Variants in USP7 observed in about 807,000 individuals in gnomAD.
USP7 encodes ubiquitin C-terminal hydrolase 7.
USP7 carries 9 observed loss-of-function variants against 162.9 expected under a neutral mutation model. That is an observed-to-expected ratio of 0.06 (90% CI 0.03 to 0.10). The LOEUF (loss-of-function observed/expected upper bound fraction) is 0.10, where lower values mean the gene tolerates loss of function less well. Among genes scored for constraint, USP7 ranks in the 10% least tolerant of loss-of-function variants. USP7 has a pLI of 1.00. For missense variants in USP7, 715 were observed against 1,373.7 expected (o/e 0.52, Z 7.58); for synonymous variants, 562 against 475.9 (o/e 1.18, Z -2.35).
chr16:8,903,400 T>C lies in USP7; in HGVS notation c.1707A>G (p.Ile569Met). 1 of 1,613,302 alleles carries C rather than the reference T, an allele frequency of 6.2e-7. No homozygotes were observed. Among genetic ancestry groups the C allele is most frequent in the Non-Finnish European group, 8.5e-7 (1 of 1,179,480 alleles). The change falls in exon 16 of 31, where the codon ATA (isoleucine) becomes ATG (methionine). Residue 569 changes from isoleucine to methionine, a missense_variant and splice_region_variant. This residue lies in a region of USP7 where 197 missense variants were observed against 306.5 expected (regional missense o/e 0.64). Coordinates refer to ENST00000344836, the MANE Select transcript of USP7 (RefSeq NM_003470.3). ...GGCCACAAAACTGGTCCTCTGCGAC[T>C]ATCTGAAAATATGTATGAAAGCACA... ...QEAHLYMQVQ[I>M]VAEDQFCGHQ...
At chr16:8,941,409 T>C (rs1899040433) in intron 1 of USP7, among the ~76,000 whole-genome samples, 1 of 152,202 alleles carries the variant, frequency 6.6e-6, no homozygotes, top group Non-Finnish European at 1.5e-5. Flanking sequence ...TCTTATTCTG[T>C]AGCCTAATAC....
rs528889913 is a variant in USP7 at position 8,921,313 on chromosome 16, C to A, written c.384-18G>T. 39 of 1,609,630 alleles carry A rather than the reference C, an allele frequency of 2.4e-5. No homozygotes were observed. The Middle Eastern group carries it at 5.0e-4, about 20-fold the overall frequency. ...ACCATGACCTGTTTAAAAGAATAAT[C>A]TGAGCCTTAGTTGACATTATTTACC... On this transcript the variant is annotated intron_variant, in intron 3 of 30. Transcript: ENST00000344836.
intron 15 of USP7, 23 bp downstream of exon 15, chr16:8,904,412 G>C: frequency 6.2e-7 from 1 of 1,612,264 alleles, no homozygotes; most frequent in Non-Finnish European, 8.5e-7. Context: ...GTGACCCGGA[G>C]TCCCAGAAGG....
Position 8,920,550 on chromosome 16 carries a change from C to A in USP7, c.523-103G>T. 6 of 933,918 alleles carry A rather than the reference C, an allele frequency of 6.4e-6. No individual in the cohort carries two copies. In the South Asian group the frequency reaches 7.6e-5, roughly 12 times the overall value. 57.9% of individuals were successfully genotyped at this position (933,918 alleles called of 1,614,324 possible). ...CCTGTACTTAATAGAGATGAAAATA[C>A]TTTTTTTTTAAATACATCCCAACTT... is the stretch of plus-strand genomic sequence containing the variant. On this transcript the variant is annotated intron_variant, in intron 4 of 30. Transcript: ENST00000344836.
At chr16:8,935,726 A>G (rs1371999933) in intron 1 of USP7, 1 of 152,224 alleles carries the variant, frequency 6.6e-6, no homozygotes, top group Non-Finnish European at 1.5e-5. Flanking sequence ...CGCAATATGT[A>G]TATGAAAAGG....
Position 8,899,341 on chromosome 16 carries a change from G to C in USP7, c.2464-153C>G, listed in dbSNP as rs1199090493. On this transcript the variant is annotated intron_variant, in intron 22 of 30. Coordinates refer to ENST00000344836, the MANE Select transcript of USP7 (RefSeq NM_003470.3). ...GGAATAAACTATATTATTCCTTAAT[G>C]AATCACCATGGGAGTAGCATATCTG... The C allele has an allele frequency of 1.1e-5, 9 of 788,476 alleles. No individual in the cohort carries two copies. In the African/African-American group the frequency reaches 1.6e-4, roughly 14 times the overall value. 48.8% of individuals were successfully genotyped at this position (788,476 alleles called of 1,614,324 possible).
At chr16:8,920,277 T>C in intron 5 of USP7, 82 bp downstream of exon 5, 2 of 1,206,476 alleles carry the variant, frequency 1.7e-6, no homozygotes, top group South Asian at 1.4e-5. Flanking sequence ...AATATGTGCA[T>C]CTCTATTACA....
At chr16:8,936,742 A>G (rs188979818) in intron 1 of USP7, 1 of 1,370,308 alleles carries the variant, frequency 7.3e-7, no homozygotes, top group African/African-American at 1.5e-5. Flanking sequence ...AGCATCCCAC[A>G]GAAGCCTTGT....
chr16:8,916,017 T>C (rs1450927794), intron 8 of USP7, among the ~76,000 whole-genome samples: 3 of 152,222 alleles, frequency 2.0e-5, no homozygotes, highest in Non-Finnish European at 4.4e-5. Context: ...TGTGTGCTTC[T>C]GCGTCTTTTA....
At chr16:8,945,619 T>C (rs752727742) in intron 1 of USP7, among the ~76,000 whole-genome samples, 1 of 152,176 alleles carries the variant, frequency 6.6e-6, no homozygotes, top group Non-Finnish European at 1.5e-5. Flanking sequence ...GACAGCACAG[T>C]AAAGATGTTC....
chr16:8,900,829 A>G, intron 20 of USP7, 161 bp downstream of exon 20: 1 of 827,506 alleles, frequency 1.2e-6, no homozygotes, highest in East Asian at 2.7e-5. Context: ...AGGTAAAAAA[A>G]AAAAATTCAC....
intron 18 of USP7, among the ~76,000 whole-genome samples, chr16:8,901,671 A>C (rs2061776650): frequency 6.6e-6 from 1 of 152,198 alleles, no homozygotes; most frequent in South Asian, 2.1e-4. Context: ...TTTGTCGATA[A>C]AGTTGTACTG....
intron 2 of USP7, among the ~76,000 whole-genome samples, chr16:8,926,442 G>A (rs1567229646): frequency 6.6e-6 from 1 of 152,134 alleles, no homozygotes; most frequent in Non-Finnish European, 1.5e-5. Flanking sequence ...TCATGGCATT[G>A]CACTCCAGCC....
At chr16:8,914,727 G>C (rs1229297116) in intron 10 of USP7, among the ~76,000 whole-genome samples, 1 of 151,776 alleles carries the variant, frequency 6.6e-6, no homozygotes, top group Non-Finnish European at 1.5e-5. Flanking sequence ...AGACCAGCCT[G>C]AGCAACAAAG....
Position 8,923,198 on chromosome 16 carries a change from A to G in USP7, c.383+17T>C, listed in dbSNP as rs1596381771. 9 of 118,116 alleles carry G rather than the reference A, an allele frequency of 7.6e-5. No homozygotes were observed. In the African/African-American group the frequency reaches 1.0e-3, roughly 14 times the overall value. 7.3% of individuals were successfully genotyped at this position (118,116 alleles called of 1,614,324 possible). On this transcript the variant is annotated intron_variant, in intron 3 of 30. Coordinates refer to ENST00000344836, the MANE Select transcript of USP7 (RefSeq NM_003470.3). Reference sequence around the variant, plus strand: ...GGCTGATCAAATTTGGCTTCCAGTAATGAAATACTGTCTTACGTGGAATCA... The same window carrying G: ...GGCTGATCAAATTTGGCTTCCAGTAGTGAAATACTGTCTTACGTGGAATCA...
intron 22 of USP7, 117 bp from the exon 23 acceptor site, chr16:8,899,305 T>G: frequency 1.0e-6 from 1 of 994,592 alleles, no homozygotes; most frequent in Non-Finnish European, 1.5e-6. Context: ...TCCCTAGAAA[T>G]TTATTAAACA....
At chr16:8,938,295 G>C (rs1898864109) in intron 1 of USP7, among the ~76,000 whole-genome samples, 1 of 150,468 alleles carries the variant, frequency 6.6e-6, no homozygotes, top group Non-Finnish European at 1.5e-5. Flanking sequence ...ATTAAACTTT[G>C]AGATAACTGT....
chr16:8,925,347 T>C (rs955725547), intron 2 of USP7, among the ~76,000 whole-genome samples: 1 of 152,192 alleles, frequency 6.6e-6, no homozygotes, highest in Non-Finnish European at 1.5e-5. Flanking sequence ...GAAGCCCATG[T>C]ATACAGAACT....
chr16:8,923,095 G>C, intron 3 of USP7, 120 bp downstream of exon 3: 1 of 736,372 alleles, frequency 1.4e-6, no homozygotes, highest in Non-Finnish European at 2.2e-6. Flanking sequence ...GGGTTTTAAA[G>C]AGAAACACGT....
Sources: allele counts gnomAD v4.1 joint callset (sites outside exome capture counted in the v4.1 genomes callset), GRCh38; gene constraint gnomAD v4.1.1; regional missense constraint gnomAD v4.1.1; transcripts MANE v1.5; gene names NCBI Gene and HGNC (gene_info 2026-07-23, HGNC 2026-07-21).